The following CD247 variants were observed in gnomAD, a reference collection of about 807,000 sequenced individuals.
CD247 encodes T-cell surface glycoprotein CD3 zeta chain.
Under a neutral mutation model 30.0 loss-of-function variants are expected in CD247, and 13 were observed. The observed-to-expected ratio is 0.43, with a 90% CI of 0.28 to 0.69. The LOEUF is 0.69. CD247 is among the 30% of genes least tolerant of loss of function. The pLI is 0.16. For synonymous variants in CD247, 72 were observed against 80.0 expected (o/e 0.90, Z 0.53); for missense variants, 193 against 212.6 (o/e 0.91, Z 0.57).
chr1:167,467,586 C>T (rs1373747857), intron 1 of CD247, among the ~76,000 whole-genome samples: 1 of 152,208 alleles, frequency 6.6e-6, no homozygotes, highest in Middle Eastern at 3.2e-3. Context: ...AGAGCACAGC[C>T]CTAAGCGTTG....
intron 1 of CD247, among the ~76,000 whole-genome samples, chr1:167,489,774 G>A (rs1654364434): frequency 6.6e-6 from 1 of 152,154 alleles, no homozygotes; most frequent in African/African-American, 2.4e-5. Context: ...CCCCCTCCTG[G>A]GCTCAGCGTT....
intron 1 of CD247, among the ~76,000 whole-genome samples, chr1:167,513,071 G>C (rs530580718): frequency 6.6e-6 from 1 of 152,254 alleles, no homozygotes; most frequent in Non-Finnish European, 1.5e-5. Flanking sequence ...TTTCTTGTAG[G>C]ATTAGCTAAA....
chr1:167,433,251 G>A (rs1651362960), intron 6 of CD247, among the ~76,000 whole-genome samples, 192 bp from the exon 7 acceptor site: 1 of 152,174 alleles, frequency 6.6e-6, no homozygotes, highest in South Asian at 2.1e-4. Flanking sequence ...GTAAGGTGAG[G>A]CCTGGCCATG....
intron 1 of CD247, among the ~76,000 whole-genome samples, chr1:167,456,643 C>G (rs1184369492): frequency 2.6e-5 from 4 of 152,180 alleles, no homozygotes; most frequent in African/African-American, 9.7e-5. Context: ...TACACCACCA[C>G]TCTTCGGGGA....
At chr1:167,462,027 C>T (rs139457644) in intron 1 of CD247, among the ~76,000 whole-genome samples, 1,654 of 152,188 alleles carry the variant, frequency 0.011, 35 homozygotes, top group African/African-American at 0.038. Flanking sequence ...TTGGTTCTGA[C>T]CAATTCACAG....
chr1:167,460,608 A>AT (rs1652955098), intron 1 of CD247, among the ~76,000 whole-genome samples: 1 of 152,106 alleles, frequency 6.6e-6, no homozygotes, highest in South Asian at 2.1e-4. Context: ...TTTTTTAAAA[A>AT]TTATACTTTA....
intron 4 of CD247, among the ~76,000 whole-genome samples, chr1:167,436,179 A>G (rs1571509644): frequency 6.6e-6 from 1 of 152,264 alleles, no homozygotes; most frequent in African/African-American, 2.4e-5. Flanking sequence ...ATCAATAAAC[A>G]TGATACACCA....
chr1:167,483,994 G>A (rs1166593771), intron 1 of CD247, among the ~76,000 whole-genome samples: 3 of 152,256 alleles, frequency 2.0e-5, no homozygotes, highest in Non-Finnish European at 4.4e-5. Context: ...CACAGCAAGT[G>A]TCCCACTGCT....
intron 1 of CD247, among the ~76,000 whole-genome samples, chr1:167,446,489 C>A (rs562979814): frequency 2.0e-5 from 3 of 152,282 alleles, no homozygotes; most frequent in African/African-American, 7.2e-5. Context: ...TTTGACAAGA[C>A]CGATTTCACG....
At chr1:167,449,149 C>CTTTTTTTTTTTTCTTTTTTTTTTTTT (rs755463661) in intron 1 of CD247, among the ~76,000 whole-genome samples, 1 of 66,418 alleles carries the variant, frequency 1.5e-5, no homozygotes, top group African/African-American at 7.5e-5. Flanking sequence ...TTTTTCTTTT[C>CTTTTTTTTTTTTCTTTTTTTTTTTTT]TTTTTTTTTT....
At chr1:167,491,339 C>T (rs1205967107) in intron 1 of CD247, among the ~76,000 whole-genome samples, 1 of 152,146 alleles carries the variant, frequency 6.6e-6, no homozygotes, top group Non-Finnish European at 1.5e-5. Flanking sequence ...GAGGCCAAGG[C>T]GAGTGGATCA....
intron 1 of CD247, among the ~76,000 whole-genome samples, chr1:167,471,111 TCTGC>T (rs1653504534): frequency 6.6e-6 from 1 of 152,172 alleles, no homozygotes; most frequent in Non-Finnish European, 1.5e-5. Context: ...AACCTCGTGA[TCTGC>T]CTGCCTCGGC....
chr1:167,512,067 T>C (rs1277544496), intron 1 of CD247, among the ~76,000 whole-genome samples: 1 of 152,140 alleles, frequency 6.6e-6, no homozygotes, highest in Non-Finnish European at 1.5e-5. Context: ...TGAAAATTAG[T>C]TGCTGAGTAG....
intron 1 of CD247, among the ~76,000 whole-genome samples, chr1:167,473,988 T>C (rs964956252): frequency 6.6e-5 from 10 of 152,118 alleles, no homozygotes; most frequent in African/African-American, 2.4e-4. Flanking sequence ...CGTTTTCATC[T>C]TGTACTTGTC....
rs147417113 is a variant in CD247, at chr1:167,451,832, C to T, written c.59-11065G>A. 9.9e-5 allele frequency among the ~76,000 whole-genome samples: 15 copies of T among 152,234 alleles called. 1 individual carries two copies. In the East Asian group the frequency reaches 1.5e-3, roughly 16 times the overall value. Reference sequence around the variant, plus strand: ...TGTAAGAAGACAAGATTAGGTCGGGCGAGGTGGCTCACGCCTGTAATCCCA... The same window carrying T: ...TGTAAGAAGACAAGATTAGGTCGGGTGAGGTGGCTCACGCCTGTAATCCCA... On this transcript the variant is annotated intron_variant, in intron 1 of 7. Coordinates refer to ENST00000362089, the MANE Select transcript of CD247 (RefSeq NM_198053.3).
Position 167,460,367 on chromosome 1 carries a change from C to T in CD247, c.59-19600G>A, listed in dbSNP as rs557855537. On this transcript the variant is annotated intron_variant, in intron 1 of 7. Coordinates refer to ENST00000362089, the MANE Select transcript of CD247 (RefSeq NM_198053.3). ...GCAGTGAACCAAGATCACATCACTA[C>T]ACTCCAGCCTGAGTGACAGAGTGAG... is the stretch of plus-strand genomic sequence containing the variant. Among the ~76,000 whole-genome samples, 13 of 152,250 alleles carry T rather than the reference C, an allele frequency of 8.5e-5. No individual in the cohort carries two copies. In the South Asian group the frequency reaches 2.7e-3, roughly 32 times the overall value.
chr1:167,441,736 A>C (rs1285805042), intron 1 of CD247, among the ~76,000 whole-genome samples: 2 of 152,244 alleles, frequency 1.3e-5, no homozygotes, highest in African/African-American at 4.8e-5. Flanking sequence ...GCTGTAGTTA[A>C]TGCACGTTTA....
intron 1 of CD247, among the ~76,000 whole-genome samples, chr1:167,485,006 C>T (rs910011919): frequency 6.6e-6 from 1 of 152,130 alleles, no homozygotes; most frequent in Non-Finnish European, 1.5e-5. Flanking sequence ...ATCTAGGGAA[C>T]CCAGGAAATA....
intron 1 of CD247, among the ~76,000 whole-genome samples, chr1:167,473,092 TAC>T (rs35004482): frequency 0.032 from 4,673 of 146,364 alleles, 137 homozygotes; most frequent in African/African-American, 0.076. Flanking sequence ...CTTCAAGTTT[TAC>T]ACACACACAC....
Sources: gnomAD v4.1 joint callset for allele counts (sites outside exome capture counted in the v4.1 genomes callset) on GRCh38, gnomAD v4.1.1 for gene constraint, MANE v1.5 for transcripts, NCBI Gene and HGNC (gene_info 2026-07-23, HGNC 2026-07-21) for gene names.